FADS2: variants seen among roughly 807,000 people sequenced by gnomAD.
The protein encoded by FADS2 is acyl-CoA 6-desaturase.
Under a neutral mutation model 61.2 loss-of-function variants are expected in FADS2, and 18 were observed. That is an observed-to-expected ratio of 0.29 (90% CI 0.20 to 0.44). The LOEUF is 0.44. FADS2 is among the 20% of genes least tolerant of loss of function. The pLI is 1.00. For synonymous variants in FADS2, 203 were observed against 223.9 expected, an observed-to-expected ratio of 0.91 and a Z score of 0.83; for missense variants, 322 against 572.7, an observed-to-expected ratio of 0.56 and a Z score of 4.47.
chr11:61,816,320 T>A lies in FADS2; in HGVS notation c.35T>A (p.Val12Glu). 6.3e-7 allele frequency: 1 copy of A among 1,598,392 alleles called. No individual in the cohort carries two copies. Among genetic ancestry groups the A allele is most frequent in the Non-Finnish European group, 8.5e-7 (1 of 1,179,792 alleles). ...AGGGAGGCGGGACCCTTTGTTTGTG[T>A]GTGCGTGTTGTTGGCCTCCATCCCC... is the stretch of plus-strand genomic sequence containing the variant. Residue 12 changes from valine to glutamate, a missense_variant, in exon 1 of 12, where the codon GTG (valine) becomes GAG (glutamate). Val to Glu is a moderately radical substitution (Grantham distance 121). Transcript: ENST00000257261. The surrounding 1 kb of genome is among the most constrained non-coding windows in gnomAD (Gnocchi z 7.0).
chr11:61,838,656 A>G (rs536911980), intron 2 of FADS2, among the ~76,000 whole-genome samples: 31 of 150,538 alleles, frequency 2.1e-4, no homozygotes, highest in Admixed American at 6.0e-4. Flanking sequence ...CACCACCCCC[A>G]TTGCCTCTGG....
intron 5 of FADS2, among the ~76,000 whole-genome samples, chr11:61,850,143 C>G (rs1332221106): frequency 6.6e-6 from 1 of 152,210 alleles, no homozygotes; most frequent in African/African-American, 2.4e-5. Context: ...TCTCGTCTCC[C>G]TCTAGCCATA....
Position 61,865,185 on chromosome 11 carries a change from C to T in FADS2, c.1191C>T (p.His397=). Residue 397 remains histidine, a synonymous_variant, in exon 11 of 12, where the codon CAC becomes CAT. Coordinates refer to ENST00000278840, the MANE Select transcript of FADS2 (RefSeq NM_004265.4). The surrounding 1 kb of genome is among the most constrained non-coding windows in gnomAD (Gnocchi z 4.1). ...LFPTMPRHNL[H]KIAPLVKSLC... The stretch of plus-strand genomic sequence containing the variant: ...CCACCATGCCCCGGCACAACTTACA[C>T]AAGATCGCCCCGCTGGTGAAGTCTC... 6.2e-7 allele frequency: 1 copy of T among 1,613,858 alleles called. No individual in the cohort carries two copies. The highest frequency in any genetic ancestry group is 1.1e-5 in the South Asian group (1 of 91,086).
chr11:61,857,434 C>A lies in FADS2; in HGVS notation c.806-20C>A. The A allele has an allele frequency of 6.2e-7, 1 of 1,610,436 alleles. No homozygotes were observed. The highest frequency in any genetic ancestry group is 8.5e-7 in the Non-Finnish European group (1 of 1,177,070). On this transcript the variant is annotated intron_variant, in intron 6 of 11. Transcript: ENST00000278840. Reference sequence around the variant, plus strand: ...GCAGGGTGGAATGGATGCCTCTAAGCGCCTGTCTCTCTCCTGCAGTTGGGC... The same window carrying A: ...GCAGGGTGGAATGGATGCCTCTAAGAGCCTGTCTCTCTCCTGCAGTTGGGC...
Position 61,863,798 on chromosome 11 carries a change from G to T in FADS2, c.1157+12G>T. On this transcript the variant is annotated intron_variant, in intron 10 of 11. Transcript: ENST00000278840. ...CAGATTGAGCACCAGTGAGCGCGGG[G>T]CTGCGGGGAGGCGGGGAGACCCACA... 6.2e-7 allele frequency: 1 copy of T among 1,611,588 alleles called. No homozygotes were observed. Among genetic ancestry groups the T allele is most frequent in the Non-Finnish European group, 8.5e-7 (1 of 1,177,692 alleles).
rs1269314743 is a variant in FADS2 at position 61,828,519 on chromosome 11, T to C, written c.129T>C (p.Val43=). 1 of 1,613,856 alleles carries C rather than the reference T, an allele frequency of 6.2e-7. No individual in the cohort carries two copies. Among genetic ancestry groups the C allele is most frequent in the South Asian group, 1.1e-5 (1 of 91,002 alleles). Residue 43 remains valine (V), a synonymous_variant, in exon 1 of 12, where the codon GTT becomes GTC. Coordinates refer to ENST00000278840, the MANE Select transcript of FADS2 (RefSeq NM_004265.4). This position sits in a 1 kb window ranked among gnomAD's most constrained non-coding sequence, Gnocchi z 6.4. ...TDRWLVIDRK[V]YNITKWSIQH... is the part of the protein sequence containing the mutation. The stretch of plus-strand genomic sequence containing the variant: ...GGTGGCTGGTCATTGACCGCAAGGT[T>C]TACAACATCACCAAATGGTCCATCC...
chr11:61,832,734 C>T (rs1213817881), intron 1 of FADS2, among the ~76,000 whole-genome samples: 1 of 152,196 alleles, frequency 6.6e-6, no homozygotes, highest in East Asian at 1.9e-4. Context: ...TCTTGCTCTT[C>T]ATTTCCACTG....
intron 7 of FADS2, among the ~76,000 whole-genome samples, chr11:61,859,139 C>A (rs1361064467): frequency 1.3e-5 from 2 of 152,104 alleles, no homozygotes; most frequent in African/African-American, 4.8e-5. Flanking sequence ...CTCACCGAAA[C>A]CTCTGCCTCC....
chr11:61,821,310 A>C, intron 1 of FADS2: 1 of 665,328 alleles, frequency 1.5e-6, no homozygotes, highest in Non-Finnish European at 2.7e-6. Flanking sequence ...ACTTGAGCTC[A>C]GGAGTTGGAG....
chr11:61,816,629 T>C lies in FADS2; in HGVS notation c.141+203T>C. The C allele has an allele frequency of 6.2e-7, 1 of 1,604,316 alleles. No individual in the cohort carries two copies. The highest frequency in any genetic ancestry group is 1.1e-5 in the South Asian group (1 of 89,802). On this transcript the variant is annotated intron_variant, in intron 1 of 11. Transcript: ENST00000257261. The surrounding 1 kb of genome is among the most constrained non-coding windows in gnomAD (Gnocchi z 7.0). Reference sequence around the variant, plus strand: ...TGCCGGCGGGTGAACTCGCTGATGTTGTACACCTTACGGTCGATCACTAGC... The same window carrying C: ...TGCCGGCGGGTGAACTCGCTGATGTCGTACACCTTACGGTCGATCACTAGC...
At position 61,865,449 on chromosome 11, in the gene FADS2, C is replaced by T; in HGVS notation, c.1283+172C>T. 4 of 973,900 alleles carry T rather than the reference C, an allele frequency of 4.1e-6. No individual in the cohort carries two copies. Among genetic ancestry groups the T allele is most frequent in the Non-Finnish European group, 6.1e-6 (4 of 659,040 alleles). The allele number at this position is 973,900 out of a possible 1,614,324, so 60.3% of individuals were successfully genotyped here. ...TTTTCTCCCTGGGCTGCGAGAAGAC[C>T]ATCCCTTTCTGTGTGGGGTTCCTGG... On this transcript the variant is annotated intron_variant, in intron 11 of 11. Coordinates refer to ENST00000278840, the MANE Select transcript of FADS2 (RefSeq NM_004265.4). The surrounding 1 kb of genome is among the most constrained non-coding windows in gnomAD (Gnocchi z 4.1).
At chr11:61,846,131 CTTTTTTTTT>C (rs550169322) in intron 4 of FADS2, among the ~76,000 whole-genome samples, 1 of 130,482 alleles carries the variant, frequency 7.7e-6, no homozygotes, top group African/African-American at 2.8e-5. Flanking sequence ...TCTTTCTTTT[CTTTTTTTTT>C]TTTTTTTTTG....
chr11:61,859,723 A>AGTCACTTAT (rs199879963), intron 7 of FADS2, among the ~76,000 whole-genome samples: 1 of 152,094 alleles, frequency 6.6e-6, no homozygotes, highest in African/African-American at 2.4e-5. Flanking sequence ...GCAGTCACTC[A>AGTCACTTAT]TGCTTGTTAT....
chr11:61,840,777 G>A (rs1410483098), intron 4 of FADS2, 52 bp downstream of exon 4: 2 of 1,356,576 alleles, frequency 1.5e-6, no homozygotes, highest in Non-Finnish European at 2.1e-6. Context: ...AGTTGAGACA[G>A]AGGGACCAGG....
chr11:61,847,921 A>G (rs970278728), intron 4 of FADS2: 2 of 488,350 alleles, frequency 4.1e-6, no homozygotes, highest in Admixed American at 3.3e-5. Flanking sequence ...ATCTGCCACC[A>G]TCGTCTTATG....
chr11:61,863,182 C>A (rs1000844322), intron 8 of FADS2, 100 bp from the exon 9 acceptor site: 8 of 1,436,768 alleles, frequency 5.6e-6, no homozygotes, highest in African/African-American at 2.8e-5. Context: ...CCATCCTGGC[C>A]CCTTGGCAGG....
intron 5 of FADS2, among the ~76,000 whole-genome samples, chr11:61,853,239 TTCTTTCTCTCTCTCTTTCTTTCTC>T (rs2067323652): frequency 1.7e-5 from 2 of 118,124 alleles, no homozygotes; most frequent in South Asian, 2.5e-4. Context: ...TTCTCTTTCT[TTCTTTCTCTCTCTCTTTCTTTCTC>T]TCCCTCCCTC....
At chr11:61,821,973 CTT>C (rs1179863779) in intron 1 of FADS2, among the ~76,000 whole-genome samples, 11 of 143,556 alleles carry the variant, frequency 7.7e-5, no homozygotes, top group Admixed American at 1.4e-4. Context: ...TTAATGCAGT[CTT>C]TTTTTTTTTT....
chr11:61,830,235 G>A (rs773308963), intron 1 of FADS2, among the ~76,000 whole-genome samples: 13 of 152,236 alleles, frequency 8.5e-5, no homozygotes, highest in Non-Finnish European at 1.9e-4. Context: ...AATTGTAGAA[G>A]GTTCCTGTCC....
Sources: allele counts gnomAD v4.1 joint callset (sites outside exome capture counted in the v4.1 genomes callset), GRCh38; gene constraint gnomAD v4.1.1; non-coding constraint Gnocchi (gnomAD v3.1); transcripts MANE v1.5; gene names NCBI Gene and HGNC (gene_info 2026-07-23, HGNC 2026-07-21).